BCL9L: variants seen among roughly 807,000 people sequenced by gnomAD.
The protein encoded by BCL9L is BCL9 like.
Under a neutral mutation model 99.4 loss-of-function variants are expected in BCL9L, and 19 were observed. The observed-to-expected ratio is 0.19, with a 90% CI of 0.13 to 0.28. The LOEUF (loss-of-function observed/expected upper bound fraction) is 0.28. Ranked by LOEUF, BCL9L falls within the 10% of genes least tolerant of loss-of-function variation. The pLI, the probability that BCL9L is intolerant of heterozygous loss-of-function variation, is 1.00. For missense variants in BCL9L, 2,023 were observed against 2,101.6 expected (o/e 0.96, Z 0.73); for synonymous variants, 900 against 854.8 (o/e 1.05, Z -0.92).
At chr11:118,916,475 G>C (rs911109389) in intron 2 of BCL9L, among the ~76,000 whole-genome samples, 7 of 152,174 alleles carry the variant, frequency 4.6e-5, no homozygotes, top group African/African-American at 1.4e-4. Context: ...GGGCCTATAG[G>C]AGCCCTGGCC....
chr11:118,906,585 CTT>C (rs1940530081), intron 5 of BCL9L, among the ~76,000 whole-genome samples: 3 of 152,184 alleles, frequency 2.0e-5, no homozygotes, highest in Non-Finnish European at 1.5e-5. Context: ...CCAATGTACT[CTT>C]TTCTTTCTTC....
At position 118,902,431 on chromosome 11, in the gene BCL9L, C is replaced by A. The variant is rs199787955; in HGVS notation, c.1312G>T (p.Ala438Ser). ...EPFLKGPPGGAGEGGPPAQAP... is the reference protein window; with the variant it reads ...EPFLKGPPGGSGEGGPPAQAP... Reference sequence around the variant, plus strand: ...TGTGCTGGTGGGCCCCCCTCACCCGCTCCTCCTGGGGGCCCCTTGAGGAAG... The same window carrying A: ...TGTGCTGGTGGGCCCCCCTCACCCGATCCTCCTGGGGGCCCCTTGAGGAAG... Residue 438 changes from alanine to serine, a missense_variant, in exon 8 of 10, where the codon GCG becomes TCG. By Grantham distance (99) the Ala-to-Ser change is moderately conservative. Coordinates refer to ENST00000683865, the MANE Select transcript of BCL9L (RefSeq NM_001378213.1). The surrounding 1 kb of genome is among the most constrained non-coding windows in gnomAD (Gnocchi z 7.8). 341 of 1,590,928 alleles carry A rather than the reference C, an allele frequency of 2.1e-4. 1 individual carries two copies. In the East Asian group the frequency reaches 7.2e-3, roughly 34 times the overall value.
In BCL9L at chr11:118,902,012, A is replaced by G. The variant is rs996590678; in HGVS notation, c.1731T>C (p.Gly577=). 1 of 1,613,596 alleles carries G rather than the reference A, an allele frequency of 6.2e-7. No individual in the cohort carries two copies. Among genetic ancestry groups the G allele is most frequent in the Non-Finnish European group, 8.5e-7 (1 of 1,179,910 alleles). ...CATCCATGGGCCCCCGCAGCTGCGCACCCATTCCAGGTGGCCACTGATCCC... is the reference window on the plus strand; with the variant it reads ...CATCCATGGGCCCCCGCAGCTGCGCGCCCATTCCAGGTGGCCACTGATCCC... The part of the protein sequence containing the change: ...KPGDQWPPGM[G]AQLRGPMDVQ... The change falls in exon 8 of 10, where the codon GGT becomes GGC. Residue 577 remains glycine, a synonymous_variant. Coordinates refer to ENST00000683865, the MANE Select transcript of BCL9L (RefSeq NM_001378213.1). This position sits in a 1 kb window ranked among gnomAD's most constrained non-coding sequence, Gnocchi z 7.8.
intron 9 of BCL9L, 127 bp from the exon 10 acceptor site, chr11:118,899,635 C>G: frequency 7.7e-7 from 1 of 1,291,016 alleles, no homozygotes; most frequent in Non-Finnish European, 1.1e-6. Flanking sequence ...CTGGCTTCCC[C>G]TGGCTGGGAG....
Position 118,903,259 on chromosome 11 carries a change from G to T in BCL9L, c.726C>A (p.Val242=), listed in dbSNP as rs931802346. ...PGKPPSQFVY[V]FTTHLANTAA... ...ACGTGTTGGCCAGGTGGGTGGTGAAGACATATACGAACTGCGAGGGAGGCT... is the reference window on the plus strand; with the variant it reads ...ACGTGTTGGCCAGGTGGGTGGTGAATACATATACGAACTGCGAGGGAGGCT... The change falls in exon 6 of 10, where the codon GTC becomes GTA. Residue 242 remains valine (V), a synonymous_variant. Transcript: ENST00000683865. This position sits in a 1 kb window ranked among gnomAD's most constrained non-coding sequence, Gnocchi z 5.6. 6.3e-7 allele frequency: 1 copy of T among 1,589,198 alleles called. No homozygotes were observed. Among genetic ancestry groups the T allele is most frequent in the Non-Finnish European group, 8.5e-7 (1 of 1,169,904 alleles).
At chr11:118,906,474 A>T (rs996776828) in intron 5 of BCL9L, among the ~76,000 whole-genome samples, 2 of 152,164 alleles carry the variant, frequency 1.3e-5, no homozygotes, top group African/African-American at 4.8e-5. Flanking sequence ...CTCACTCCAT[A>T]ACATTTGCTG....
chr11:118,909,651 A>C (rs1472526889), intron 3 of BCL9L, among the ~76,000 whole-genome samples: 6 of 152,100 alleles, frequency 3.9e-5, no homozygotes, highest in Admixed American at 3.9e-4. Flanking sequence ...GGGAAGAACT[A>C]GAAGGGACCA....
intron 5 of BCL9L, among the ~76,000 whole-genome samples, chr11:118,905,512 CAA>C (rs761526586): frequency 1.8e-4 from 7 of 38,566 alleles, no homozygotes; most frequent in Admixed American, 2.6e-4. Context: ...GACTCTGTCT[CAA>C]AAAAAAAAAA....
intron 2 of BCL9L, among the ~76,000 whole-genome samples, chr11:118,912,118 G>A (rs1294946381): frequency 6.6e-6 from 1 of 152,030 alleles, no homozygotes; most frequent in Non-Finnish European, 1.5e-5. Flanking sequence ...TGCCCCTCAA[G>A]AGTCTGCCCC....
Position 118,901,768 on chromosome 11 carries a change from A to G in BCL9L, c.1975T>C (p.Tyr659His), listed in dbSNP as rs865893788. The G allele has an allele frequency of 6.2e-7, 1 of 1,612,238 alleles. No individual in the cohort carries two copies. Among genetic ancestry groups the G allele is most frequent in the Non-Finnish European group, 8.5e-7 (1 of 1,178,624 alleles). The change falls in exon 8 of 10, where the codon TAC (tyrosine) becomes CAC (histidine). Residue 659 changes from tyrosine to histidine, a missense_variant. Coordinates refer to ENST00000683865, the MANE Select transcript of BCL9L (RefSeq NM_001378213.1). This position sits in a 1 kb window ranked among gnomAD's most constrained non-coding sequence, Gnocchi z 6.6. Reference protein sequence around the residue: ...PSNFAQNTMPYPGGQGEAERF... With the variant: ...PSNFAQNTMPHPGGQGEAERF... ...TCCGCCTCACCCTGCCCACCTGGGTAGGGCATGGTGTTCTGGGCAAAATTG... is the reference window on the plus strand; with the variant it reads ...TCCGCCTCACCCTGCCCACCTGGGTGGGGCATGGTGTTCTGGGCAAAATTG...
At position 118,903,158 on chromosome 11, in the gene BCL9L, G is replaced by A. The variant is rs984861733; in HGVS notation, c.749+78C>T. On this transcript the variant is annotated intron_variant, in intron 6 of 9. Coordinates refer to ENST00000683865, the MANE Select transcript of BCL9L (RefSeq NM_001378213.1). The surrounding 1 kb of genome is among the most constrained non-coding windows in gnomAD (Gnocchi z 5.6). ...CACCCACCCCACCCTGCCCCTGCACGGGGCTCCCTCGGAACCCCAGGCTGA... is the reference window on the plus strand; with the variant it reads ...CACCCACCCCACCCTGCCCCTGCACAGGGCTCCCTCGGAACCCCAGGCTGA... 35 of 1,195,334 alleles carry A rather than the reference G, an allele frequency of 2.9e-5. No individual in the cohort carries two copies. The highest frequency in any genetic ancestry group is 4.2e-5 in the East Asian group (1 of 23,806). The allele number at this position is 1,195,334 out of a possible 1,614,324, so 74.0% of individuals were successfully genotyped here.
In BCL9L at chr11:118,903,411, C is replaced by T; in HGVS notation, c.574G>A (p.Gly192Ser). The T allele has an allele frequency of 6.2e-7, 1 of 1,612,792 alleles. No homozygotes were observed. Among genetic ancestry groups the T allele is most frequent in the Non-Finnish European group, 8.5e-7 (1 of 1,179,536 alleles). Residue 192 changes from glycine to serine, a missense_variant, in exon 6 of 10, where the codon GGT (glycine) becomes AGT (serine). By Grantham distance (56) the Gly-to-Ser change is moderately conservative. Around this residue, in one of 3 missense-constraint regions of BCL9L, gnomAD observed 1,116 missense variants for 1,194.6 expected, o/e 0.93. Coordinates refer to ENST00000683865, the MANE Select transcript of BCL9L (RefSeq NM_001378213.1). This position sits in a 1 kb window ranked among gnomAD's most constrained non-coding sequence, Gnocchi z 5.6. ...GGCAGTTGGGTGGTTTGGCCGGGAC[C>T]CAGCTGTGGGGCCGCCATGGCTGGG... is the stretch of plus-strand genomic sequence containing the variant. ...ADPAMAAPQL[G>S]PGQTTQLPLS... is the part of the protein sequence containing the mutation.
At position 118,899,962 on chromosome 11, in the gene BCL9L, G is replaced by A. The variant is rs368475966; in HGVS notation, c.3361C>T (p.Arg1121Trp). The A allele has an allele frequency of 6.8e-6, 11 of 1,613,756 alleles. No homozygotes were observed. Among genetic ancestry groups the A allele is most frequent in the Admixed American group, 1.7e-5 (1 of 60,002 alleles). ...GGTGGTGGGGGGGGCAGCAGGGGCC[G>A]GTCGGGCAGCAGCTCGTCGTCTGAG... The part of the protein sequence containing the change: ...ATSDDELLPD[R>W]PLLPPPPPPQ... Residue 1121 changes from arginine to tryptophan, a missense_variant, in exon 9 of 10, where the codon CGG becomes TGG. By Grantham distance (101) the Arg-to-Trp change is moderately radical. This residue lies in a region of BCL9L where 902 missense variants were observed against 888.2 expected (regional missense o/e 1.02). Transcript: ENST00000683865.
chr11:118,917,442 GGGACATGCCGA>G (rs1940999038), intron 2 of BCL9L, among the ~76,000 whole-genome samples: 2 of 152,282 alleles, frequency 1.3e-5, no homozygotes, highest in South Asian at 4.1e-4. Context: ...ACTAAGAAAA[GGGACATGCCGA>G]GAAGTTAAAT....
At chr11:118,916,012 C>T (rs1940952903) in intron 2 of BCL9L, among the ~76,000 whole-genome samples, 1 of 152,218 alleles carries the variant, frequency 6.6e-6, no homozygotes, top group Admixed American at 6.5e-5. Context: ...CACATTGGAA[C>T]ATCTGAAACC....
In BCL9L at chr11:118,898,978, C is replaced by T. The variant is rs760459717; in HGVS notation, c.3937G>A (p.Val1313Met). ...ATCCCCGTTGGGGTGGGCCGGATCA[C>T]CTCGCTCAGCTCGGGGTCGTTCAGC... The part of the protein sequence containing the change: ...SVLNDPELSE[V>M]IRPTPTGIPE... The change falls in exon 10 of 10, where the codon GTG (valine) becomes ATG (methionine). Residue 1313 changes from valine to methionine, a missense_variant. Transcript: ENST00000683865. 6.2e-7 allele frequency: 1 copy of T among 1,613,500 alleles called. No homozygotes were observed. The highest frequency in any genetic ancestry group is 8.5e-7 in the Non-Finnish European group (1 of 1,179,640).
intron 3 of BCL9L, 48 bp downstream of exon 3, chr11:118,909,866 T>TC: frequency 6.2e-7 from 1 of 1,612,982 alleles, no homozygotes; most frequent in South Asian, 1.1e-5. Flanking sequence ...GCCCTTCCCT[T>TC]CCCGCACTCC....
In BCL9L at chr11:118,896,295, A is replaced by C. The variant is rs1939917122; in HGVS notation, c.*2120T>G. The C allele has an allele frequency of 6.2e-6, 1 of 161,500 alleles. No homozygotes were observed. The highest frequency in any genetic ancestry group is 2.4e-5 in the African/African-American group (1 of 41,222). 10.0% of individuals were successfully genotyped at this position (161,500 alleles called of 1,614,324 possible). Reference sequence around the variant, plus strand: ...TATTTATATATTTATATTTATATATATATTTATATAATGGTACAAAATGGC... The same window carrying C: ...TATTTATATATTTATATTTATATATCTATTTATATAATGGTACAAAATGGC... On this transcript the variant is annotated 3_prime_UTR_variant, in exon 10 of 10. Transcript: ENST00000683865.
rs780320678 is a variant in BCL9L at position 118,898,943 on chromosome 11, G to A, written c.3972C>T (p.Phe1324=). Residue 1324 remains phenylalanine (F), a synonymous_variant, in exon 10 of 10, where the codon TTC becomes TTT. Transcript: ENST00000683865. ...CAGAGGGGATGATCCTCGACAAGTC[G>A]AACTCGGGGATCCCCGTTGGGGTGG... is the stretch of plus-strand genomic sequence containing the variant. ...IRPTPTGIPE[F]DLSRIIPSEK... is the part of the protein sequence containing the mutation. The A allele has an allele frequency of 1.3e-5, 21 of 1,612,348 alleles. No homozygotes were observed. Among genetic ancestry groups the A allele is most frequent in the East Asian group, 8.9e-5 (4 of 44,856 alleles).
Sources: allele counts gnomAD v4.1 joint callset (sites outside exome capture counted in the v4.1 genomes callset), GRCh38; gene constraint gnomAD v4.1.1; regional missense constraint gnomAD v4.1.1; non-coding constraint Gnocchi (gnomAD v3.1); transcripts MANE v1.5; gene names NCBI Gene and HGNC (gene_info 2026-07-23, HGNC 2026-07-21).